TFDP2: variants seen among roughly 807,000 people sequenced by gnomAD.
TFDP2 encodes transcription factor Dp-2.
TFDP2 carries 17 observed loss-of-function variants against 59.3 expected under a neutral mutation model. The ratio of observed to expected loss-of-function variants is 0.29; its 90% CI spans 0.20 to 0.43. TFDP2 has a LOEUF of 0.43. Among genes scored for constraint, TFDP2 ranks in the 20% least tolerant of loss-of-function variants. TFDP2 has a pLI of 1.00. For missense variants in TFDP2, 391 were observed against 528.8 expected (o/e 0.74, Z 2.56); for synonymous variants, 180 against 194.7 (o/e 0.92, Z 0.63).
intron 6 of TFDP2, among the ~76,000 whole-genome samples, chr3:141,980,904 A>G (rs966032211): frequency 6.6e-6 from 1 of 152,252 alleles, no homozygotes; most frequent in Non-Finnish European, 1.5e-5. Flanking sequence ...TAAAAAGTTT[A>G]TAAAGTAAAA....
intron 3 of TFDP2, among the ~76,000 whole-genome samples, chr3:142,009,332 C>T (rs113643470): frequency 0.012 from 1,857 of 152,192 alleles, 20 homozygotes; most frequent in Middle Eastern, 0.061. Context: ...AACAGCAGGT[C>T]CTTTGTTTAT....
At position 142,107,389 on chromosome 3, in the gene TFDP2, G is replaced by A. The variant is rs370100611; in HGVS notation, c.-92-5548C>T. Reference sequence around the variant, plus strand: ...TGGAATTACAGGCGCGTGCCACCACGTCTGGCTAATTTTTTTGTATTTTTA... The same window carrying A: ...TGGAATTACAGGCGCGTGCCACCACATCTGGCTAATTTTTTTGTATTTTTA... On this transcript the variant is annotated intron_variant, in intron 1 of 12. Coordinates refer to ENST00000489671, the MANE Select transcript of TFDP2 (RefSeq NM_001178139.2). Among the ~76,000 whole-genome samples, 41 of 151,772 alleles carry A rather than the reference G, an allele frequency of 2.7e-4. 1 individual carries two copies. The highest frequency in any genetic ancestry group is 8.2e-4 in the African/African-American group (34 of 41,380).
At chr3:142,091,266 T>C (rs2060989683) in intron 3 of TFDP2, among the ~76,000 whole-genome samples, 1 of 152,180 alleles carries the variant, frequency 6.6e-6, no homozygotes, top group South Asian at 2.1e-4. Context: ...AGGCTTAAAG[T>C]ATCTCTTAAA....
intron 3 of TFDP2, among the ~76,000 whole-genome samples, chr3:142,085,513 C>T (rs347681): frequency 0.89 from 135,527 of 152,140 alleles, 60,614 homozygotes; most frequent in African/African-American, 0.97. Context: ...AAAGAAAATA[C>T]ATTGTTTTAA....
chr3:142,147,054 G>A (rs1400562460), intron 1 of TFDP2, among the ~76,000 whole-genome samples: 5 of 116,192 alleles, frequency 4.3e-5, no homozygotes, highest in Non-Finnish European at 6.8e-5. Context: ...GAGAAACCCT[G>A]TCTCAAAAAA....
At chr3:142,122,431 C>G (rs1353495414) in intron 1 of TFDP2, among the ~76,000 whole-genome samples, 1 of 152,116 alleles carries the variant, frequency 6.6e-6, no homozygotes, top group Admixed American at 6.5e-5. Flanking sequence ...CTTCCAATAC[C>G]AACTGTGTTA....
intron 3 of TFDP2, among the ~76,000 whole-genome samples, chr3:142,072,257 ATG>A (rs2108549847): frequency 6.6e-6 from 1 of 152,338 alleles, no homozygotes; most frequent in South Asian, 2.1e-4. Flanking sequence ...CTATTATAAT[ATG>A]TATCATTACA....
At chr3:142,006,826 G>C (rs1233068146) in intron 3 of TFDP2, among the ~76,000 whole-genome samples, 1 of 151,762 alleles carries the variant, frequency 6.6e-6, no homozygotes, top group Non-Finnish European at 1.5e-5. Context: ...ACCCAGGCTG[G>C]AGTTCAGTGG....
intron 1 of TFDP2, among the ~76,000 whole-genome samples, chr3:142,104,885 T>C (rs1193663107): frequency 6.6e-5 from 10 of 152,150 alleles, no homozygotes; most frequent in Non-Finnish European, 1.5e-4. Context: ...GTTGTAAGTG[T>C]CCTGCTTGAA....
intron 3 of TFDP2, among the ~76,000 whole-genome samples, chr3:142,023,138 A>G (rs537640268): frequency 0.068 from 10,230 of 150,314 alleles, 475 homozygotes; most frequent in Non-Finnish European, 0.11. Flanking sequence ...AAAAAAAAAA[A>G]AAAAAGAAAA....
chr3:142,071,807 G>A (rs2060258317), intron 3 of TFDP2, among the ~76,000 whole-genome samples: 1 of 152,166 alleles, frequency 6.6e-6, no homozygotes, highest in South Asian at 2.1e-4. Context: ...GGTGAAGGGG[G>A]ACAGCAGATT....
rs4683655 is a variant in TFDP2 at position 141,970,061 on chromosome 3, C to T, written c.732+12G>A. 0.098 allele frequency: 157,798 copies of T among 1,610,628 alleles called. 8,410 individuals carry two copies. The highest frequency in any genetic ancestry group is 0.11 in the Non-Finnish European group (131,254 of 1,176,774). On this transcript the variant is annotated intron_variant, in intron 9 of 12. Coordinates refer to ENST00000489671, the MANE Select transcript of TFDP2 (RefSeq NM_001178139.2). ...AACAGGGAAGGTAATGAAAACATCTCGGTATCTTTACCTGTAGGAGAAGTT... is the reference window on the plus strand; with the variant it reads ...AACAGGGAAGGTAATGAAAACATCTTGGTATCTTTACCTGTAGGAGAAGTT...
chr3:141,959,650 A>G, intron 11 of TFDP2, 24 bp downstream of exon 11: 1 of 1,604,978 alleles, frequency 6.2e-7, no homozygotes. Flanking sequence ...CAGGGACAAC[A>G]CATGAAAGCA....
chr3:142,103,034 G>A (rs562951711), intron 1 of TFDP2, among the ~76,000 whole-genome samples: 24 of 152,160 alleles, frequency 1.6e-4, no homozygotes, highest in African/African-American at 4.3e-4. Flanking sequence ...TCAGGAGTTC[G>A]AGACCAGCCT....
intron 1 of TFDP2, among the ~76,000 whole-genome samples, chr3:142,112,385 G>C (rs1217621849): frequency 6.6e-6 from 1 of 152,034 alleles, no homozygotes; most frequent in Non-Finnish European, 1.5e-5. Flanking sequence ...AGAGCTCAAC[G>C]CAGCTTTCAC....
intron 6 of TFDP2, among the ~76,000 whole-genome samples, chr3:141,986,336 G>A (rs893486069): frequency 7.9e-5 from 12 of 152,288 alleles, no homozygotes; most frequent in African/African-American, 2.9e-4. Flanking sequence ...TGTGTTAAGT[G>A]TCTCCTTCTA....
At chr3:142,114,164 C>CA (rs397964940) in intron 1 of TFDP2, among the ~76,000 whole-genome samples, 2,855 of 122,316 alleles carry the variant, frequency 0.023, 72 homozygotes, top group African/African-American at 0.075. Context: ...GAATCCGTCT[C>CA]AAAAAAAAAA....
At chr3:142,017,553 T>C (rs1466745300) in intron 3 of TFDP2, among the ~76,000 whole-genome samples, 5 of 142,912 alleles carry the variant, frequency 3.5e-5, no homozygotes, top group African/African-American at 1.3e-4. Flanking sequence ...ATATTCTTTT[T>C]TTTTTTTTTT....
intron 3 of TFDP2, among the ~76,000 whole-genome samples, chr3:142,042,639 T>C (rs1439672286): frequency 6.7e-6 from 1 of 148,602 alleles, no homozygotes; most frequent in African/African-American, 2.5e-5. Context: ...TCTTTTTTTT[T>C]TTTTTTTTTT....
Sources: gnomAD v4.1 joint callset for allele counts (sites outside exome capture counted in the v4.1 genomes callset) on GRCh38, gnomAD v4.1.1 for gene constraint, MANE v1.5 for transcripts, NCBI Gene and HGNC (gene_info 2026-07-23, HGNC 2026-07-21) for gene names.